The following SPATA13 variants were observed in gnomAD, a reference collection of about 807,000 sequenced individuals.
SPATA13 encodes the protein spermatogenesis associated 13, also known as spermatogenesis-associated protein 13.
SPATA13 carries 50 observed loss-of-function variants against 104.0 expected under a neutral mutation model. That is an observed-to-expected ratio of 0.48 (90% CI 0.38 to 0.61). SPATA13 has a LOEUF of 0.61. Ranked by LOEUF, SPATA13 falls within the 20% of genes least tolerant of loss-of-function variation. The pLI, the probability that SPATA13 is intolerant of heterozygous loss-of-function variation, is 0.00. For missense variants in SPATA13, 1,524 were observed against 1,690.6 expected (o/e 0.90, Z 1.73); for synonymous variants, 606 against 667.5 (o/e 0.91, Z 1.42).
chr13:24,021,644 T>C (rs1396537945), intron 3 of SPATA13, among the ~76,000 whole-genome samples: 1 of 152,232 alleles, frequency 6.6e-6, no homozygotes, highest in Admixed American at 6.5e-5. Flanking sequence ...TCTGTGACTG[T>C]ATACGCCGTG....
intron 1 of SPATA13, among the ~76,000 whole-genome samples, chr13:24,165,274 G>A (rs144187270): frequency 3.6e-4 from 55 of 152,270 alleles, no homozygotes; most frequent in African/African-American, 1.2e-3. Context: ...GCCTCAGACT[G>A]TCTCCCACCC....
rs1393786934 is a variant in SPATA13, at chr13:24,286,769, G to A, written c.2486G>A (p.Arg829Gln). 1 of 1,613,542 alleles carries A rather than the reference G, an allele frequency of 6.2e-7. No homozygotes were observed. The highest frequency in any genetic ancestry group is 1.1e-5 in the South Asian group (1 of 91,064). The change falls in exon 7 of 13, where the codon CGA becomes CAA. Residue 829 changes from arginine to glutamine, a missense_variant. By Grantham distance (43) the Arg-to-Gln change is conservative. Around this residue, in one of 2 missense-constraint regions of SPATA13, gnomAD observed 1,089 missense variants for 1,135.9 expected, o/e 0.96. Transcript: ENST00000382108. The surrounding 1 kb of genome is among the most constrained non-coding windows in gnomAD (Gnocchi z 4.9). ...AWFPASFVRLRVNQEELSENS... is the reference protein window; with the variant it reads ...AWFPASFVRLQVNQEELSENS... The stretch of plus-strand genomic sequence containing the variant: ...TCCCCTGTATGTGGGTTGCAGTTGC[G>A]AGTGAATCAGGAAGAGCTGTCGGAA...
At chr13:24,268,580 G>A (rs950433558) in intron 4 of SPATA13, among the ~76,000 whole-genome samples, 2 of 151,970 alleles carry the variant, frequency 1.3e-5, no homozygotes, top group Admixed American at 1.3e-4. Flanking sequence ...CCAACATGGT[G>A]AAACCTCATC....
chr13:23,991,654 A>G (rs1189762476), intron 2 of SPATA13, among the ~76,000 whole-genome samples: 2 of 152,128 alleles, frequency 1.3e-5, no homozygotes, highest in Non-Finnish European at 2.9e-5. Context: ...CACCGTGCAT[A>G]TTGTGCACAT....
intron 2 of SPATA13, among the ~76,000 whole-genome samples, chr13:24,244,111 C>T (rs574757039): frequency 2.7e-4 from 41 of 152,320 alleles, no homozygotes; most frequent in African/African-American, 8.7e-4. Context: ...TTCCTTGGTG[C>T]CCTTGGCCTG....
chr13:24,038,087 ATT>A (rs559343792), intron 3 of SPATA13, among the ~76,000 whole-genome samples: 26 of 150,910 alleles, frequency 1.7e-4, no homozygotes, highest in East Asian at 7.9e-4. Flanking sequence ...AATTTTTTGT[ATT>A]TTTTTAGTAG....
chr13:24,297,329 T>C (rs367868680), intron 10 of SPATA13, 34 bp from the exon 11 acceptor site: 13 of 1,570,436 alleles, frequency 8.3e-6, no homozygotes, highest in African/African-American at 1.3e-5. Flanking sequence ...GTGGTAGAAT[T>C]GGAAGGTCTT....
intron 3 of SPATA13, among the ~76,000 whole-genome samples, chr13:24,029,822 G>A (rs1877395130): frequency 6.6e-6 from 1 of 151,882 alleles, no homozygotes; most frequent in African/African-American, 2.4e-5. Flanking sequence ...TCCCCTCTAG[G>A]TGTCTATATG....
At chr13:24,231,369 A>G (rs969663110) in intron 2 of SPATA13, among the ~76,000 whole-genome samples, 4 of 152,120 alleles carry the variant, frequency 2.6e-5, no homozygotes, top group African/African-American at 9.7e-5. Context: ...GTCTTTTGTG[A>G]CTGGCTTCTT....
rs1386717051 is a variant in SPATA13, at chr13:24,251,451, C to T, written c.2020-267C>T. 3.0e-6 allele frequency: 3 copies of T among 984,850 alleles called. No homozygotes were observed. The African/African-American group carries it at 5.2e-5, about 17-fold the overall frequency. 61.0% of individuals were successfully genotyped at this position (984,850 alleles called of 1,614,324 possible). A position where few individuals can be genotyped will look rare whatever the true frequency, so the allele number is the denominator to read the frequency against. On this transcript the variant is annotated intron_variant, in intron 3 of 12. Transcript: ENST00000382108. The stretch of plus-strand genomic sequence containing the variant: ...TCATCTTCTCAGAAGCTTCTTTTTC[C>T]TTAGTGTGACCTATTGGCATGTTGC...
chr13:24,081,528 G>A (rs550289084), intron 3 of SPATA13, among the ~76,000 whole-genome samples: 8 of 152,038 alleles, frequency 5.3e-5, no homozygotes, highest in African/African-American at 1.7e-4. Context: ...AAAAAAGCTG[G>A]CCCAGTGTGA....
intron 2 of SPATA13, among the ~76,000 whole-genome samples, chr13:24,241,889 C>T (rs1872856765): frequency 1.3e-5 from 2 of 152,038 alleles, no homozygotes; most frequent in South Asian, 4.1e-4. Context: ...CCTATCTCTA[C>T]AGAAAATTTA....
intron 1 of SPATA13, among the ~76,000 whole-genome samples, chr13:24,172,241 T>C (rs1883003673): frequency 6.6e-6 from 1 of 152,252 alleles, no homozygotes; most frequent in African/African-American, 2.4e-5. Context: ...CACTCAGTGT[T>C]ATTCTCCGAT....
In SPATA13 at chr13:24,297,876, A is replaced by G. The variant is rs1441846297; in HGVS notation, c.3583+141A>G. The G allele has an allele frequency of 5.0e-6, 5 of 999,874 alleles. No individual in the cohort carries two copies. In the African/African-American group the frequency reaches 6.5e-5, roughly 13 times the overall value. The allele number at this position is 999,874 out of a possible 1,614,324, so 61.9% of individuals were successfully genotyped here. A position where few individuals can be genotyped will look rare whatever the true frequency, so the allele number is the denominator to read the frequency against. ...TGGGGAAAGGACAAGGGATCTGCAA[A>G]CCCTAAATACTTCTGAATGCACTTA... is the stretch of plus-strand genomic sequence containing the variant. On this transcript the variant is annotated intron_variant, in intron 11 of 12. Transcript: ENST00000382108.
chr13:24,281,734 T>C (rs1233880523), intron 4 of SPATA13, among the ~76,000 whole-genome samples: 1 of 152,166 alleles, frequency 6.6e-6, no homozygotes, highest in African/African-American at 2.4e-5. Context: ...TCACAGGTGC[T>C]GTGTCCAGAG....
rs1877101553 is a variant in SPATA13 at position 24,300,442 on chromosome 13, A to C, written c.3625A>C (p.Asn1209His). The change falls in exon 12 of 13, where the codon AAT (asparagine) becomes CAT (histidine). Residue 1209 changes from asparagine to histidine, a missense_variant. Coordinates refer to ENST00000382108, the MANE Select transcript of SPATA13 (RefSeq NM_001166271.3). ...AAACCAGAAGAAACTTGCCATGTTA[A>C]ATGCTCAAAAGGCAGGACATGGAAA... is the stretch of plus-strand genomic sequence containing the variant. ...SENQKKLAML[N>H]AQKAGHGKSK... 6.2e-7 allele frequency: 1 copy of C among 1,614,166 alleles called. No individual in the cohort carries two copies. The highest frequency in any genetic ancestry group is 2.2e-5 in the East Asian group (1 of 44,888).
rs529330782 is a variant in SPATA13 at position 24,141,004 on chromosome 13, G to A, written c.-111-81815G>A. On this transcript the variant is annotated intron_variant, in intron 3 of 14. Transcript: ENST00000424834. ...AGCTTGGCCAACAAGGTGAAACCCT[G>A]TCTCTACTAAAAATACAAAAATTAG... Among the ~76,000 whole-genome samples, 3 of 152,074 alleles carry A rather than the reference G, an allele frequency of 2.0e-5. No individual in the cohort carries two copies. In the East Asian group the frequency reaches 5.8e-4, roughly 29 times the overall value.
At chr13:24,120,031 C>G (rs540014176) in intron 3 of SPATA13, among the ~76,000 whole-genome samples, 2 of 152,254 alleles carry the variant, frequency 1.3e-5, no homozygotes, top group African/African-American at 4.8e-5. Flanking sequence ...AAACAATCAC[C>G]AAATGGCCGT....
At chr13:24,096,913 G>T (rs1880104123) in intron 3 of SPATA13, among the ~76,000 whole-genome samples, 1 of 152,182 alleles carries the variant, frequency 6.6e-6, no homozygotes, top group Non-Finnish European at 1.5e-5. Flanking sequence ...ATGCTGCTGA[G>T]GATTTGAAGC....
Sources: gnomAD v4.1 joint callset for allele counts (sites outside exome capture counted in the v4.1 genomes callset) on GRCh38, gnomAD v4.1.1 for gene constraint, gnomAD v4.1.1 regional missense constraint, Gnocchi (gnomAD v3.1) non-coding constraint, MANE v1.5 for transcripts, NCBI Gene and HGNC (gene_info 2026-07-23, HGNC 2026-07-21) for gene names.